The following DLG2 variants were observed in gnomAD, a reference collection of about 807,000 sequenced individuals.
DLG2 encodes disks large homolog 2.
In DLG2, 45 loss-of-function variants were observed where a neutral mutation model predicts 132.5. The ratio of observed to expected loss-of-function variants is 0.34; its 90% CI spans 0.27 to 0.44. DLG2 has a LOEUF of 0.44. Among genes scored for constraint, DLG2 ranks in the 20% least tolerant of loss-of-function variants. The probability of loss-of-function intolerance (pLI) is 1.00; values close to 1 mark genes in which losing one functional copy is unlikely to be tolerated. For synonymous variants in DLG2, 424 were observed against 419.6 expected (o/e 1.01, Z -0.13); for missense variants, 1,045 against 1,196.9 (o/e 0.87, Z 1.87).
At chr11:85,072,816 A>T (rs899672707) in intron 6 of DLG2, among the ~76,000 whole-genome samples, 1 of 151,832 alleles carries the variant, frequency 6.6e-6, no homozygotes, top group African/African-American at 2.4e-5. Context: ...AATGCCATCT[A>T]CAAATCTGGC....
intron 9 of DLG2, among the ~76,000 whole-genome samples, chr11:84,122,587 A>C (rs2093980562): frequency 6.6e-6 from 1 of 151,224 alleles, no homozygotes; most frequent in African/African-American, 2.5e-5. Context: ...AAACAAACAA[A>C]AAAAAAAGTT....
intron 21 of DLG2, among the ~76,000 whole-genome samples, chr11:83,505,803 G>C (rs1305944128): frequency 6.6e-6 from 1 of 152,136 alleles, no homozygotes; most frequent in Non-Finnish European, 1.5e-5. Flanking sequence ...TCCTAGAAAG[G>C]GGCTGTAGTG....
intron 7 of DLG2, among the ~76,000 whole-genome samples, chr11:84,371,840 G>C (rs537497059): frequency 6.6e-6 from 1 of 152,240 alleles, no homozygotes; most frequent in East Asian, 1.9e-4. Flanking sequence ...ATATAAGGAA[G>C]ATTTATTTCA....
At chr11:85,121,961 G>A (rs1045882532) in intron 5 of DLG2, among the ~76,000 whole-genome samples, 2 of 152,116 alleles carry the variant, frequency 1.3e-5, no homozygotes, top group African/African-American at 2.4e-5. Context: ...TTGTGTGTGT[G>A]TGTAGTATGT....
At chr11:83,994,192 C>T (rs754659962) in intron 11 of DLG2, among the ~76,000 whole-genome samples, 1 of 152,084 alleles carries the variant, frequency 6.6e-6, no homozygotes, top group Non-Finnish European at 1.5e-5. Flanking sequence ...ATATTTAGAA[C>T]ATTTAACAGC....
intron 3 of DLG2, among the ~76,000 whole-genome samples, chr11:85,541,842 T>A (rs1183330491): frequency 6.6e-6 from 1 of 152,158 alleles, no homozygotes; most frequent in Non-Finnish European, 1.5e-5. Context: ...TCCTGTTGAA[T>A]TGCTAACAAA....
chr11:83,836,729 G>A (rs751753484), intron 16 of DLG2, among the ~76,000 whole-genome samples: 5 of 152,106 alleles, frequency 3.3e-5, no homozygotes, highest in Non-Finnish European at 7.4e-5. Flanking sequence ...GAGAGACAAC[G>A]GTGCATTAAT....
intron 12 of DLG2, among the ~76,000 whole-genome samples, chr11:83,969,661 C>T (rs1274371169): frequency 6.6e-6 from 1 of 152,110 alleles, no homozygotes; most frequent in Non-Finnish European, 1.5e-5. Context: ...GCAACCTCTG[C>T]CTCCCGGGTT....
At chr11:84,604,920 A>G (rs2099582729) in intron 6 of DLG2, among the ~76,000 whole-genome samples, 1 of 151,954 alleles carries the variant, frequency 6.6e-6, no homozygotes, top group African/African-American at 2.4e-5. Flanking sequence ...TCTACTCCCA[A>G]GTGATAATTA....
intron 6 of DLG2, among the ~76,000 whole-genome samples, chr11:84,746,559 C>G: frequency 6.6e-6 from 1 of 151,940 alleles, no homozygotes; most frequent in East Asian, 1.9e-4. Context: ...GTTTCTATAT[C>G]TATAAGATGA....
rs1592015823 is a variant in DLG2 at position 84,970,302 on chromosome 11, C to A, written c.357+141359G>T. 3.9e-5 allele frequency among the ~76,000 whole-genome samples: 6 copies of A among 152,160 alleles called. No individual in the cohort carries two copies. The South Asian group carries it at 1.2e-3, about 32-fold the overall frequency. On this transcript the variant is annotated intron_variant, in intron 6 of 27. Transcript: ENST00000376104. ...CCCCCATCCCATCTGAACACTGTCT[C>A]TACTCCTCTTCCTTTTCTCCCTACC...
intron 3 of DLG2, among the ~76,000 whole-genome samples, chr11:85,497,781 T>G (rs1180928568): frequency 6.6e-6 from 1 of 152,164 alleles, no homozygotes; most frequent in Non-Finnish European, 1.5e-5. Flanking sequence ...TATTCAACAT[T>G]CTTAAAGAAA....
chr11:84,490,297 G>A (rs1157358828), intron 7 of DLG2, among the ~76,000 whole-genome samples: 5 of 152,152 alleles, frequency 3.3e-5, no homozygotes, highest in African/African-American at 1.2e-4. Context: ...AAATGGAAAT[G>A]CTTTAATACA....
chr11:83,721,979 T>A (rs2088709587), intron 18 of DLG2, among the ~76,000 whole-genome samples: 1 of 152,134 alleles, frequency 6.6e-6, no homozygotes, highest in Admixed American at 6.5e-5. Context: ...TGCCAAGGCA[T>A]ATAAAAAATA....
intron 10 of DLG2, among the ~76,000 whole-genome samples, chr11:84,075,496 G>C (rs1190787791): frequency 1.3e-5 from 2 of 152,048 alleles, no homozygotes; most frequent in African/African-American, 2.4e-5. Context: ...GTTAAGATTG[G>C]GTTGGTCAGT....
At chr11:84,163,862 T>A (rs2095603328) in intron 8 of DLG2, among the ~76,000 whole-genome samples, 1 of 152,284 alleles carries the variant, frequency 6.6e-6, no homozygotes, top group Non-Finnish European at 1.5e-5. Flanking sequence ...TCTTGTTTTT[T>A]AAAAAATGTT....
chr11:85,349,239 T>A (rs181678778), intron 3 of DLG2, among the ~76,000 whole-genome samples: 1 of 151,892 alleles, frequency 6.6e-6, no homozygotes, highest in African/African-American at 2.4e-5. Flanking sequence ...ACCTTAACTC[T>A]AACTGAGCAG....
chr11:84,044,707 C>T (rs2096200130), intron 11 of DLG2, among the ~76,000 whole-genome samples: 1 of 151,694 alleles, frequency 6.6e-6, no homozygotes, highest in Admixed American at 6.6e-5. Context: ...CAGAGAATAT[C>T]AGCATAGCTA....
intron 10 of DLG2, among the ~76,000 whole-genome samples, chr11:84,064,566 G>T (rs1005068055): frequency 5.3e-5 from 8 of 152,098 alleles, no homozygotes; most frequent in Admixed American, 3.3e-4. Context: ...TTGACTGATT[G>T]TTACTGTTAT....
Sources: allele counts gnomAD v4.1 joint callset (sites outside exome capture counted in the v4.1 genomes callset), GRCh38; gene constraint gnomAD v4.1.1; transcripts MANE v1.5; gene names NCBI Gene and HGNC (gene_info 2026-07-23, HGNC 2026-07-21).